Variants in MACROD2 observed in about 807,000 individuals in gnomAD.
MACROD2 encodes mono-ADP ribosylhydrolase 2.
Under a neutral mutation model 70.4 loss-of-function variants are expected in MACROD2, and 36 were observed. The ratio of observed to expected loss-of-function variants is 0.51; its 90% CI spans 0.39 to 0.68. The LOEUF is 0.68. Ranked by LOEUF, MACROD2 falls within the 30% of genes least tolerant of loss-of-function variation. The pLI is 0.00. For synonymous variants in MACROD2, 172 were observed against 178.8 expected (o/e 0.96, Z 0.30); for missense variants, 496 against 538.4 (o/e 0.92, Z 0.78).
intron 8 of MACROD2, among the ~76,000 whole-genome samples, chr20:15,773,998 C>A (rs955966548): frequency 8.5e-5 from 13 of 152,086 alleles, no homozygotes; most frequent in Non-Finnish European, 1.8e-4. Flanking sequence ...TACATTTGCA[C>A]ATAGTAAAAT....
chr20:14,594,209 A>G (rs1981969607), intron 4 of MACROD2, among the ~76,000 whole-genome samples: 1 of 152,038 alleles, frequency 6.6e-6, no homozygotes, highest in Admixed American at 6.5e-5. Context: ...TCACCTCTGC[A>G]GTTTGTTTTC....
At chr20:14,908,481 C>T (rs903767890) in intron 5 of MACROD2, among the ~76,000 whole-genome samples, 2 of 152,078 alleles carry the variant, frequency 1.3e-5, no homozygotes, top group African/African-American at 4.8e-5. Flanking sequence ...GTGACAATTC[C>T]CTGTCTCTAT....
rs201150563 is a variant in MACROD2, at chr20:14,495,745, AT to A, written c.301+2239del. ...TATGAATTTCTAGCAATGATAAGAC[AT>A]TCAGGAATAGGCCAACTCAGTTTTC... On this transcript the variant is annotated intron_variant, in intron 4 of 17. Transcript: ENST00000684519. Among the ~76,000 whole-genome samples, 983 of 152,298 alleles carry A rather than the reference AT, an allele frequency of 6.5e-3. 15 individuals are homozygous for A. Among genetic ancestry groups the A allele is most frequent in the African/African-American group, 0.023 (959 of 41,562 alleles).
intron 6 of MACROD2, among the ~76,000 whole-genome samples, chr20:15,314,816 C>G (rs746121707): frequency 1.3e-5 from 2 of 152,178 alleles, no homozygotes; most frequent in Admixed American, 6.5e-5. Context: ...ATCTGGGAAA[C>G]TAAATCATTC....
intron 5 of MACROD2, chr20:14,894,878 T>C (rs1309340883): frequency 6.6e-6 from 1 of 152,148 alleles, no homozygotes; most frequent in Non-Finnish European, 1.5e-5. Flanking sequence ...AACAAAAATA[T>C]ATTAACATGT....
chr20:14,772,459 A>G (rs1053132492), intron 5 of MACROD2, among the ~76,000 whole-genome samples: 17 of 152,168 alleles, frequency 1.1e-4, no homozygotes, highest in African/African-American at 2.4e-4. Context: ...ACCAAGTCAC[A>G]TGTTATGTGG....
At chr20:15,971,338 A>G (rs2066227501) in intron 13 of MACROD2, among the ~76,000 whole-genome samples, 1 of 152,112 alleles carries the variant, frequency 6.6e-6, no homozygotes. Context: ...AGGTAATTGA[A>G]TCACAGGGGT....
chr20:14,004,442 T>G (rs908888028), intron 2 of MACROD2, among the ~76,000 whole-genome samples: 1 of 152,220 alleles, frequency 6.6e-6, no homozygotes, highest in African/African-American at 2.4e-5. Flanking sequence ...TATTTCTATT[T>G]TTCCTGAAAT....
At chr20:14,916,711 C>A (rs562007015) in intron 5 of MACROD2, among the ~76,000 whole-genome samples, 2 of 152,122 alleles carry the variant, frequency 1.3e-5, no homozygotes, top group East Asian at 3.9e-4. Flanking sequence ...TTATATAATT[C>A]TCTCAACTTT....
At chr20:15,389,444 A>G (rs2045763104) in intron 6 of MACROD2, among the ~76,000 whole-genome samples, 1 of 152,214 alleles carries the variant, frequency 6.6e-6, no homozygotes, top group Non-Finnish European at 1.5e-5. Context: ...ATTTAACTCT[A>G]GGGTCACAGT....
chr20:15,867,939 T>C (rs751263815), intron 9 of MACROD2, among the ~76,000 whole-genome samples: 7 of 152,160 alleles, frequency 4.6e-5, no homozygotes, highest in Non-Finnish European at 1.0e-4. Context: ...GAGGCATTTT[T>C]GTTTTTCACA....
At chr20:15,901,768 A>T (rs925076188) in intron 10 of MACROD2, among the ~76,000 whole-genome samples, 5 of 152,194 alleles carry the variant, frequency 3.3e-5, no homozygotes, top group Non-Finnish European at 2.9e-5. Context: ...TAAGGAGGGT[A>T]CCAGATTAGG....
intron 5 of MACROD2, among the ~76,000 whole-genome samples, chr20:14,799,988 A>G (rs2122135894): frequency 6.6e-6 from 1 of 152,194 alleles, no homozygotes; most frequent in East Asian, 1.9e-4. Flanking sequence ...TAAATAAAAG[A>G]TTAGATGCCA....
At chr20:14,772,185 T>A (rs1214537974) in intron 5 of MACROD2, among the ~76,000 whole-genome samples, 1 of 152,110 alleles carries the variant, frequency 6.6e-6, no homozygotes, top group African/African-American at 2.4e-5. Context: ...CTCTACCATT[T>A]TTTCCCTTAT....
intron 3 of MACROD2, among the ~76,000 whole-genome samples, chr20:14,374,804 T>C (rs551325474): frequency 2.6e-5 from 4 of 152,292 alleles, no homozygotes; most frequent in African/African-American, 9.6e-5. Context: ...AATTTATGGC[T>C]AACCATGACA....
chr20:15,949,964 GTTTAAC>G (rs1482781967), intron 12 of MACROD2, among the ~76,000 whole-genome samples: 1 of 152,078 alleles, frequency 6.6e-6, no homozygotes, highest in African/African-American at 2.4e-5. Context: ...ATTTTTAAAT[GTTTAAC>G]TTTGACTCCC....
intron 3 of MACROD2, among the ~76,000 whole-genome samples, chr20:14,399,600 A>AT (rs1458002670): frequency 8.5e-5 from 13 of 152,162 alleles, no homozygotes; most frequent in African/African-American, 3.1e-4. Flanking sequence ...CTGTGGATCC[A>AT]TAGTTGTCAT....
At chr20:14,521,954 G>T (rs1313001428) in intron 4 of MACROD2, among the ~76,000 whole-genome samples, 1 of 152,178 alleles carries the variant, frequency 6.6e-6, no homozygotes, top group East Asian at 1.9e-4. Context: ...TGGCCAGGCA[G>T]CAGCACTCCC....
chr20:15,283,204 C>G (rs899936920), intron 6 of MACROD2, among the ~76,000 whole-genome samples: 1 of 152,162 alleles, frequency 6.6e-6, no homozygotes, highest in African/African-American at 2.4e-5. Flanking sequence ...GGTGGGGACA[C>G]AGAGCCAAAC....
Sources: allele counts gnomAD v4.1 joint callset (sites outside exome capture counted in the v4.1 genomes callset), GRCh38; gene constraint gnomAD v4.1.1; transcripts MANE v1.5; gene names NCBI Gene and HGNC (gene_info 2026-07-23, HGNC 2026-07-21).